The following VPS33A variants were observed in gnomAD, a reference collection of about 807,000 sequenced individuals.
VPS33A encodes the protein vacuolar protein sorting-associated protein 33A.
A neutral mutation model predicts 71.8 loss-of-function variants in VPS33A; 32 were observed. That is an observed-to-expected ratio of 0.45 (90% CI 0.34 to 0.60). The LOEUF is 0.60. VPS33A is among the 20% of genes least tolerant of loss of function. The pLI is 0.02. For synonymous variants in VPS33A, 311 were observed against 292.7 expected (o/e 1.06, Z -0.64); for missense variants, 625 against 748.5 (o/e 0.84, Z 1.92).
intron 8 of VPS33A, among the ~76,000 whole-genome samples, chr12:122,241,602 G>C (rs1282455282): frequency 1.3e-5 from 2 of 151,484 alleles, no homozygotes; most frequent in East Asian, 1.9e-4. Flanking sequence ...ACCTCGCCCA[G>C]TCTTTTTTTT....
At chr12:122,236,031 G>T in intron 10 of VPS33A, 108 bp from the exon 11 acceptor site, 1 of 1,366,674 alleles carries the variant, frequency 7.3e-7, no homozygotes, top group Non-Finnish European at 9.9e-7. Flanking sequence ...TGCAGGACAT[G>T]TTACCAAAGT....
At chr12:122,238,495 T>A in intron 10 of VPS33A, 92 bp downstream of exon 10, 5 of 1,450,374 alleles carry the variant, frequency 3.4e-6, no homozygotes, top group Non-Finnish European at 4.6e-6. Flanking sequence ...GTGCTGGGAT[T>A]ACAGGCGTAA....
At chr12:122,261,032 A>G (rs1954986403) in intron 4 of VPS33A, among the ~76,000 whole-genome samples, 1 of 152,246 alleles carries the variant, frequency 6.6e-6, no homozygotes, top group African/African-American at 2.4e-5. Context: ...GACTGGGAAG[A>G]TACTTGCAGC....
At chr12:122,246,766 AT>A (rs949035225) in intron 6 of VPS33A, among the ~76,000 whole-genome samples, 1 of 149,098 alleles carries the variant, frequency 6.7e-6, no homozygotes, top group Non-Finnish European at 1.5e-5. Context: ...TACCTGGCTA[AT>A]TTTTTTTTGT....
chr12:122,236,592 C>T, intron 10 of VPS33A, among the ~76,000 whole-genome samples: 1 of 152,194 alleles, frequency 6.6e-6, no homozygotes, highest in East Asian at 1.9e-4. Context: ...CAAGATTGTG[C>T]CACTGCACTC....
At position 122,232,391 on chromosome 12, in the gene VPS33A, A is replaced by G; in HGVS notation, c.1646T>C (p.Phe549Ser). Residue 549 changes from phenylalanine to serine, a missense_variant, in exon 13 of 13, where the codon TTC (phenylalanine) becomes TCC (serine). Physicochemically the swap from Phe to Ser is radical, Grantham distance 155 (BLOSUM62 -2). Transcript: ENST00000267199. ...PGENRVTLIFFLGGVTFAEIA... is the reference protein window; with the variant it reads ...PGENRVTLIFSLGGVTFAEIA... Reference sequence around the variant, plus strand: ...TTCAGCGAAGGTTACGCCCCCAAGGAAAAATATCAGAGTCACTCGGTTTTC... The same window carrying G: ...TTCAGCGAAGGTTACGCCCCCAAGGGAAAATATCAGAGTCACTCGGTTTTC... 1 of 1,613,864 alleles carries G rather than the reference A, an allele frequency of 6.2e-7. No homozygotes were observed. The highest frequency in any genetic ancestry group is 8.5e-7 in the Non-Finnish European group (1 of 1,179,936).
intron 8 of VPS33A, chr12:122,241,164 A>C (rs1217614433): frequency 2.0e-5 from 3 of 151,920 alleles, no homozygotes; most frequent in Non-Finnish European, 2.9e-5. Context: ...AAAAAGCTAG[A>C]CTAAAAAAAT....
intron 10 of VPS33A, among the ~76,000 whole-genome samples, chr12:122,237,472 G>C (rs541539759): frequency 6.6e-6 from 1 of 151,644 alleles, no homozygotes; most frequent in African/African-American, 2.4e-5. Flanking sequence ...TGTTGTTATG[G>C]TAACTACAGT....
chr12:122,251,146 G>A (rs1954838939), intron 4 of VPS33A, 47 bp from the exon 5 acceptor site: 2 of 1,347,988 alleles, frequency 1.5e-6, no homozygotes, highest in Non-Finnish European at 2.1e-6. Context: ...GGGCCTCCCA[G>A]GGGCCCATCT....
At chr12:122,232,463 A>G (rs1191710923) in intron 12 of VPS33A, 36 bp from the exon 13 acceptor site, 1 of 1,565,940 alleles carries the variant, frequency 6.4e-7, no homozygotes, top group African/African-American at 1.4e-5. Flanking sequence ...AAAACTATTT[A>G]TTATTAATGC....
intron 4 of VPS33A, among the ~76,000 whole-genome samples, chr12:122,251,300 G>A (rs1954840649): frequency 2.0e-5 from 3 of 152,220 alleles, no homozygotes; most frequent in Admixed American, 2.0e-4. Context: ...GCCCCAGGGT[G>A]GGTGCAGCCG....
At chr12:122,238,526 A>G (rs1954660350) in intron 10 of VPS33A, 61 bp downstream of exon 10, 22 of 1,562,612 alleles carry the variant, frequency 1.4e-5, no homozygotes, top group Middle Eastern at 3.4e-4. Flanking sequence ...CCGGCCCATG[A>G]AGTATTTTTT....
In VPS33A at chr12:122,239,464, A is replaced by G. The variant is rs565926710; in HGVS notation, c.1164+414T>C. ...TAAAAATATTTAAGTGGCCGGGCGC[A>G]GTGACTCACGCCTGTAATCCCAACA... On this transcript the variant is annotated intron_variant, in intron 9 of 12. Coordinates refer to ENST00000267199, the MANE Select transcript of VPS33A (RefSeq NM_022916.6). Among the ~76,000 whole-genome samples the G allele has an allele frequency of 7.6e-4, 115 of 152,300 alleles. 1 individual carries two copies. Among genetic ancestry groups the G allele is most frequent in the East Asian group, 2.9e-3 (15 of 5,182 alleles).
chr12:122,238,971 CA>C (rs1343279406), intron 9 of VPS33A, among the ~76,000 whole-genome samples: 2 of 146,284 alleles, frequency 1.4e-5, no homozygotes, highest in Middle Eastern at 3.6e-3. Flanking sequence ...CACACACACA[CA>C]CACCCCACAC....
chr12:122,236,944 C>T (rs149120127), intron 10 of VPS33A, among the ~76,000 whole-genome samples: 165 of 152,280 alleles, frequency 1.1e-3, no homozygotes, highest in Non-Finnish European at 1.7e-3. Flanking sequence ...ACACTGGTCA[C>T]ATCTGGGGAG....
chr12:122,260,929 C>T (rs919744420), intron 4 of VPS33A, among the ~76,000 whole-genome samples: 2 of 152,170 alleles, frequency 1.3e-5, no homozygotes, highest in Non-Finnish European at 2.9e-5. Flanking sequence ...GAGCTGAGAT[C>T]GCGCCACTGC....
At chr12:122,239,523 C>T (rs1388417916) in intron 9 of VPS33A, among the ~76,000 whole-genome samples, 3 of 151,924 alleles carry the variant, frequency 2.0e-5, no homozygotes, top group Non-Finnish European at 2.9e-5. Flanking sequence ...ATCACAAGGT[C>T]GGAGATCGAG....
chr12:122,259,593 G>A (rs964020475), intron 4 of VPS33A, among the ~76,000 whole-genome samples: 31 of 152,140 alleles, frequency 2.0e-4, no homozygotes, highest in Middle Eastern at 3.4e-3. Flanking sequence ...TCACAGTATC[G>A]TGACAGCCAA....
intron 3 of VPS33A, among the ~76,000 whole-genome samples, chr12:122,262,551 C>T (rs1277841729): frequency 6.6e-6 from 1 of 150,396 alleles, no homozygotes; most frequent in African/African-American, 2.5e-5. Context: ...AGTGCAGACT[C>T]GGCTGGGAGC....
Sources: gnomAD v4.1 joint callset for allele counts (sites outside exome capture counted in the v4.1 genomes callset) on GRCh38, gnomAD v4.1.1 for gene constraint, MANE v1.5 for transcripts, NCBI Gene and HGNC (gene_info 2026-07-23, HGNC 2026-07-21) for gene names.